HOMER1: variants seen among roughly 807,000 people sequenced by gnomAD.
HOMER1 encodes the protein homer protein homolog 1.
HOMER1 carries 3 observed loss-of-function variants against 48.9 expected under a neutral mutation model. That is an observed-to-expected ratio of 0.06 (90% CI 0.03 to 0.16). The LOEUF is 0.16. HOMER1 is among the 10% of genes least tolerant of loss of function. HOMER1 has a pLI of 1.00. For missense variants in HOMER1, 247 were observed against 411.4 expected (o/e 0.60, Z 3.46); for synonymous variants, 134 against 146.4 (o/e 0.92, Z 0.61).
chr5:79,422,048 G>A (rs1170572718), intron 5 of HOMER1, among the ~76,000 whole-genome samples: 2 of 152,062 alleles, frequency 1.3e-5, no homozygotes, highest in African/African-American at 4.8e-5. Flanking sequence ...CCAACATGGT[G>A]AAACCCTATC....
chr5:79,382,228 G>C (rs1749000875), intron 8 of HOMER1, among the ~76,000 whole-genome samples: 1 of 152,116 alleles, frequency 6.6e-6, no homozygotes, highest in African/African-American at 2.4e-5. Context: ...GAGAGCAAAA[G>C]GGTAGAAAAC....
intron 8 of HOMER1, among the ~76,000 whole-genome samples, chr5:79,395,675 C>T (rs905744407): frequency 6.6e-6 from 1 of 151,956 alleles, no homozygotes; most frequent in Admixed American, 6.6e-5. Flanking sequence ...GGTTTAAAGC[C>T]CATGTCTTTG....
At chr5:79,433,484 C>T (rs1291310847) in intron 5 of HOMER1, among the ~76,000 whole-genome samples, 1 of 152,108 alleles carries the variant, frequency 6.6e-6, no homozygotes, top group African/African-American at 2.4e-5. Context: ...AGGAGAATGG[C>T]TTGAACCCGG....
chr5:79,465,001 A>G (rs1580001042), intron 1 of HOMER1, among the ~76,000 whole-genome samples: 1 of 152,174 alleles, frequency 6.6e-6, no homozygotes, highest in Admixed American at 6.5e-5. Context: ...TAACCTTGCT[A>G]TAATAGAAGT....
At chr5:79,435,962 T>TA (rs1351684298) in intron 5 of HOMER1, among the ~76,000 whole-genome samples, 1 of 146,002 alleles carries the variant, frequency 6.8e-6, no homozygotes, top group Admixed American at 6.8e-5. Flanking sequence ...CCGTCTCTAC[T>TA]AAAAATACAA....
intron 1 of HOMER1, among the ~76,000 whole-genome samples, chr5:79,486,629 G>C (rs1052598206): frequency 2.6e-5 from 4 of 152,156 alleles, no homozygotes; most frequent in Non-Finnish European, 5.9e-5. Flanking sequence ...GGACAGAGCA[G>C]TTTAGTGACC....
intron 1 of HOMER1, among the ~76,000 whole-genome samples, chr5:79,465,835 C>T (rs1286732203): frequency 3.3e-5 from 5 of 151,880 alleles, no homozygotes; most frequent in East Asian, 3.9e-4. Context: ...CCTCGTGATC[C>T]GCCGGCCTCA....
intron 1 of HOMER1, among the ~76,000 whole-genome samples, chr5:79,493,861 C>T (rs1360428316): frequency 6.6e-6 from 1 of 152,198 alleles, no homozygotes; most frequent in Non-Finnish European, 1.5e-5. Flanking sequence ...TTCAAAGATG[C>T]TTGGTCTTAA....
chr5:79,423,321 T>G (rs907803623), intron 5 of HOMER1, among the ~76,000 whole-genome samples: 16 of 152,176 alleles, frequency 1.1e-4, no homozygotes, highest in African/African-American at 3.9e-4. Context: ...TAAGTTTGAA[T>G]CTATAAGCCT....
chr5:79,395,302 A>G (rs1276898079), intron 8 of HOMER1, among the ~76,000 whole-genome samples: 1 of 152,198 alleles, frequency 6.6e-6, no homozygotes, highest in Non-Finnish European at 1.5e-5. Flanking sequence ...TCCATGCTTC[A>G]TATTTAAGTT....
At chr5:79,502,967 T>C (rs1396780274) in intron 1 of HOMER1, among the ~76,000 whole-genome samples, 1 of 146,466 alleles carries the variant, frequency 6.8e-6, no homozygotes, top group East Asian at 2.0e-4. Context: ...ATTTTTTGTA[T>C]TTTAAGTAGA....
chr5:79,508,181 T>C (rs1483124263), intron 1 of HOMER1, among the ~76,000 whole-genome samples: 2 of 152,250 alleles, frequency 1.3e-5, no homozygotes, highest in Non-Finnish European at 2.9e-5. Flanking sequence ...AACCCTTTAG[T>C]AATCTTCACA....
At position 79,464,826 on chromosome 5, in the gene HOMER1, A is replaced by T. The variant is rs566755612; in HGVS notation, c.6-7808T>A. Among the ~76,000 whole-genome samples, 59 of 152,278 alleles carry T rather than the reference A, an allele frequency of 3.9e-4. No individual in the cohort carries two copies. The East Asian group carries it at 5.0e-3, about 13-fold the overall frequency. On this transcript the variant is annotated intron_variant, in intron 1 of 8. Coordinates refer to ENST00000334082, the MANE Select transcript of HOMER1 (RefSeq NM_004272.5). ...GCTTATACATACAATGTTCTTTTTT[A>T]AAAACCATATACGAACTTTGAAGAA...
At chr5:79,419,863 C>T (rs982240896) in intron 5 of HOMER1, among the ~76,000 whole-genome samples, 10 of 143,402 alleles carry the variant, frequency 7.0e-5, no homozygotes, top group African/African-American at 1.9e-4. Context: ...GATTTTAACA[C>T]GGAAGTACCT....
At chr5:79,408,274 C>G (rs962240291) in intron 5 of HOMER1, among the ~76,000 whole-genome samples, 1 of 152,044 alleles carries the variant, frequency 6.6e-6, no homozygotes, top group African/African-American at 2.4e-5. Flanking sequence ...AGAAAACAAT[C>G]CTCATCCTAG....
chr5:79,419,781 G>C (rs1347588293), intron 5 of HOMER1, among the ~76,000 whole-genome samples: 2 of 152,176 alleles, frequency 1.3e-5, no homozygotes, highest in Non-Finnish European at 2.9e-5. Context: ...ACTTATTCTA[G>C]ATTCCATTTA....
chr5:79,399,758 G>GA (rs1044390997), intron 6 of HOMER1, among the ~76,000 whole-genome samples: 2 of 152,012 alleles, frequency 1.3e-5, no homozygotes, highest in South Asian at 2.1e-4. Flanking sequence ...TCATTTTTCT[G>GA]AAAAAACAGT....
At chr5:79,377,517 A>G (rs747287729) in intron 8 of HOMER1, among the ~76,000 whole-genome samples, 1 of 152,220 alleles carries the variant, frequency 6.6e-6, no homozygotes, top group Non-Finnish European at 1.5e-5. Context: ...CACAATTTAC[A>G]TTAAGATATA....
chr5:79,380,254 T>A lies in HOMER1; in HGVS notation c.877-4057A>T, dbSNP rs150834396. ...GGAAACTAACACTGCTGGGAGACTG[T>A]GTGACAGCACTGCTCTTGGGAGAGC... On this transcript the variant is annotated intron_variant, in intron 8 of 8. Transcript: ENST00000334082. 4.6e-5 allele frequency among the ~76,000 whole-genome samples: 7 copies of A among 152,258 alleles called. No homozygotes were observed. The East Asian group carries it at 1.2e-3, about 25-fold the overall frequency.
Sources: gnomAD v4.1 joint callset for allele counts (sites outside exome capture counted in the v4.1 genomes callset) on GRCh38, gnomAD v4.1.1 for gene constraint, MANE v1.5 for transcripts, NCBI Gene and HGNC (gene_info 2026-07-23, HGNC 2026-07-21) for gene names.